Variants in ERC2 observed in about 807,000 individuals in gnomAD.
ERC2 encodes ERC protein 2.
A neutral mutation model predicts 114.8 loss-of-function variants in ERC2; 42 were observed. That is an observed-to-expected ratio of 0.37 (90% CI 0.29 to 0.47). The LOEUF is 0.47. Among genes scored for constraint, ERC2 ranks in the 20% least tolerant of loss-of-function variants. The pLI is 0.99. For synonymous variants in ERC2, 454 were observed against 425.5 expected (o/e 1.07, Z -0.82); for missense variants, 939 against 1,150.7 (o/e 0.82, Z 2.66).
intron 3 of ERC2, among the ~76,000 whole-genome samples, chr3:56,269,514 A>T (rs909766703): frequency 6.6e-6 from 1 of 152,234 alleles, no homozygotes; most frequent in African/African-American, 2.4e-5. Context: ...GAAATGTGAG[A>T]AAAGTGCTAC....
At chr3:56,220,003 T>A (rs1160264324) in intron 3 of ERC2, among the ~76,000 whole-genome samples, 1 of 152,184 alleles carries the variant, frequency 6.6e-6, no homozygotes, top group East Asian at 1.9e-4. Flanking sequence ...GCATAATAAA[T>A]TGGTTGTCTA....
At chr3:55,832,063 G>A (rs1039746997) in intron 14 of ERC2, among the ~76,000 whole-genome samples, 6 of 152,226 alleles carry the variant, frequency 3.9e-5, no homozygotes, top group East Asian at 1.9e-4. Flanking sequence ...AGGGGCGCCC[G>A]CCATTGCCCA....
chr3:55,631,002 A>G (rs2059733205), intron 17 of ERC2, among the ~76,000 whole-genome samples: 1 of 152,142 alleles, frequency 6.6e-6, no homozygotes, highest in Non-Finnish European at 1.5e-5. Flanking sequence ...CAACTTCCAG[A>G]TGGTCCTGGT....
chr3:55,545,653 T>C (rs2054692297), intron 17 of ERC2, among the ~76,000 whole-genome samples: 1 of 152,182 alleles, frequency 6.6e-6, no homozygotes, highest in Non-Finnish European at 1.5e-5. Context: ...CAGGAGTTTC[T>C]GTGTGTGTCA....
intron 3 of ERC2, among the ~76,000 whole-genome samples, chr3:56,248,873 A>G (rs1326849709): frequency 6.6e-6 from 1 of 152,260 alleles, no homozygotes; most frequent in Admixed American, 6.5e-5. Flanking sequence ...CGTACACAGA[A>G]AAGAGTTCTG....
chr3:56,407,789 C>T (rs1332072885), intron 2 of ERC2, among the ~76,000 whole-genome samples: 1 of 152,136 alleles, frequency 6.6e-6, no homozygotes, highest in Non-Finnish European at 1.5e-5. Flanking sequence ...CAGGGACCCC[C>T]CTGGAACACG....
chr3:55,573,954 G>A (rs776401436), intron 17 of ERC2, among the ~76,000 whole-genome samples: 14 of 152,106 alleles, frequency 9.2e-5, no homozygotes, highest in Non-Finnish European at 1.6e-4. Flanking sequence ...GTCAATAAAT[G>A]CAAGAGGCAT....
chr3:55,631,809 A>G (rs975436231), intron 17 of ERC2, among the ~76,000 whole-genome samples: 2 of 152,220 alleles, frequency 1.3e-5, no homozygotes, highest in African/African-American at 4.8e-5. Context: ...TTCCACAAAG[A>G]GCAACAATAA....
rs1005276848 is a variant in ERC2 at position 55,508,480 on chromosome 3, T to C, written c.*2836A>G. 1.3e-5 allele frequency: 2 copies of C among 152,464 alleles called. No homozygotes were observed. The highest frequency in any genetic ancestry group is 4.8e-5 in the African/African-American group (2 of 41,390). The allele number at this position is 152,464 out of a possible 1,614,324, so 9.4% of individuals were successfully genotyped here. A position where few individuals can be genotyped will look rare whatever the true frequency, so the allele number is the denominator to read the frequency against. On this transcript the variant is annotated 3_prime_UTR_variant, in exon 18 of 18. Transcript: ENST00000288221. ...ACATGCCCACTGGTAGTTTCCAGGGTTCCTTAGTTTTATTTATTTATTTTT... is the reference window on the plus strand; with the variant it reads ...ACATGCCCACTGGTAGTTTCCAGGGCTCCTTAGTTTTATTTATTTATTTTT...
At chr3:56,286,708 G>A (rs2054744061) in intron 3 of ERC2, among the ~76,000 whole-genome samples, 2 of 151,706 alleles carry the variant, frequency 1.3e-5, no homozygotes, top group South Asian at 2.1e-4. Context: ...ACGTACTTAC[G>A]TAATCCTTTC....
intron 17 of ERC2, among the ~76,000 whole-genome samples, chr3:55,589,118 C>T (rs1363082536): frequency 6.6e-6 from 1 of 151,512 alleles, no homozygotes; most frequent in Non-Finnish European, 1.5e-5. Flanking sequence ...GTGGCTCACA[C>T]CTGTCATCCT....
intron 7 of ERC2, among the ~76,000 whole-genome samples, chr3:56,066,749 C>G (rs1326510600): frequency 6.6e-6 from 1 of 152,092 alleles, no homozygotes; most frequent in Non-Finnish European, 1.5e-5. Context: ...AGAAAGTGGT[C>G]CTGTTTCAGT....
chr3:55,860,850 G>A (rs115729948), intron 14 of ERC2, among the ~76,000 whole-genome samples: 1,791 of 152,264 alleles, frequency 0.012, 40 homozygotes, highest in African/African-American at 0.041. Context: ...ATGACAGCAA[G>A]GAAGGGACTG....
intron 7 of ERC2, chr3:56,072,063 C>T (rs897784305): frequency 2.0e-5 from 3 of 152,274 alleles, no homozygotes; most frequent in African/African-American, 7.2e-5. Flanking sequence ...CACTAGAACC[C>T]TTGGCATCAC....
In ERC2 at chr3:55,789,389, C is replaced by T. The variant is rs182888677; in HGVS notation, c.2565-54471G>A. Among the ~76,000 whole-genome samples the T allele has an allele frequency of 9.8e-5, 15 of 152,308 alleles. No individual in the cohort carries two copies. The East Asian group carries it at 2.9e-3, about 29-fold the overall frequency. Reference sequence around the variant, plus strand: ...ACCATCAGCCTTGTTTAAGCAGCACCTTTCTGTGCTTGCTACTACTCCATG... The same window carrying T: ...ACCATCAGCCTTGTTTAAGCAGCACTTTTCTGTGCTTGCTACTACTCCATG... On this transcript the variant is annotated intron_variant, in intron 14 of 17. Coordinates refer to ENST00000288221, the MANE Select transcript of ERC2 (RefSeq NM_015576.3).
At chr3:56,444,346 C>G (rs1205196454) in intron 1 of ERC2, among the ~76,000 whole-genome samples, 2 of 151,940 alleles carry the variant, frequency 1.3e-5, no homozygotes, top group Non-Finnish European at 2.9e-5. Context: ...AAACTGTGTA[C>G]AGAAACAAAT....
rs903446165 is a variant in ERC2 at position 55,645,508 on chromosome 3, A to G, written c.*39+38286T>C. On this transcript the variant is annotated intron_variant, in intron 17 of 17. Coordinates refer to ENST00000288221, the MANE Select transcript of ERC2 (RefSeq NM_015576.3). ...TCTTTTGTTAAGGAATTTGTATGTG[A>G]CACAAAGCTGGCTTCCAAAATCCCT... 2.6e-5 allele frequency among the ~76,000 whole-genome samples: 4 copies of G among 152,192 alleles called. No homozygotes were observed. The South Asian group carries it at 8.3e-4, about 32-fold the overall frequency.
chr3:56,181,627 T>C (rs950029334), intron 3 of ERC2, among the ~76,000 whole-genome samples: 2 of 152,190 alleles, frequency 1.3e-5, no homozygotes, highest in Non-Finnish European at 2.9e-5. Context: ...AACATTCTCT[T>C]TATAAAGTGA....
chr3:55,597,656 T>C (rs4955814), intron 17 of ERC2, among the ~76,000 whole-genome samples: 55,346 of 151,934 alleles, frequency 0.36, 10,573 homozygotes, highest in Admixed American at 0.48. Flanking sequence ...TCCTATTTGT[T>C]ACTAGTTCAC....
Sources: gnomAD v4.1 joint callset for allele counts (sites outside exome capture counted in the v4.1 genomes callset) on GRCh38, gnomAD v4.1.1 for gene constraint, MANE v1.5 for transcripts, NCBI Gene and HGNC (gene_info 2026-07-23, HGNC 2026-07-21) for gene names.